CORO7: variants seen among roughly 807,000 people sequenced by gnomAD.
CORO7 encodes coronin 7, also known as coronin-7.
A neutral mutation model predicts 126.6 loss-of-function variants in CORO7; 107 were observed. The observed-to-expected ratio is 0.85, with a 90% CI of 0.72 to 0.99. The LOEUF (loss-of-function observed/expected upper bound fraction) is 0.99. Among genes scored for constraint, CORO7 ranks in the 50% least tolerant of loss-of-function variants. The pLI is 0.00. For synonymous variants in CORO7, 603 were observed against 536.8 expected, an observed-to-expected ratio of 1.12 and a Z score of -1.70; for missense variants, 1,314 against 1,255.8, an observed-to-expected ratio of 1.05 and a Z score of -0.70.
At chr16:4,390,538 T>A (rs1477169049) in intron 7 of CORO7, among the ~76,000 whole-genome samples, 1 of 151,448 alleles carries the variant, frequency 6.6e-6, no homozygotes, top group South Asian at 2.1e-4. Context: ...CTGCAAAGAG[T>A]TGGAAACTGG....
chr16:4,367,313 C>T (rs1596284553), intron 9 of CORO7, among the ~76,000 whole-genome samples: 2 of 152,234 alleles, frequency 1.3e-5, no homozygotes, highest in Non-Finnish European at 2.9e-5. Flanking sequence ...GTGCCCTCCA[C>T]ACTGACACTG....
At chr16:4,413,534 TA>T in intron 1 of CORO7, 130 bp from the exon 2 acceptor site, 1 of 812,262 alleles carries the variant, frequency 1.2e-6, no homozygotes, top group South Asian at 2.0e-5. Context: ...TGCATTCTTT[TA>T]TTTACTTTTT....
Position 4,361,429 on chromosome 16 carries a change from G to T in CORO7, c.1619C>A (p.Thr540Lys), listed in dbSNP as rs200682379. Reference sequence around the variant, plus strand: ...AGTCACAGCTGCCCCATTCTGCAGCGTGGGCAGTGCCGTGTCGGGCAGGCG... The same window carrying T: ...AGTCACAGCTGCCCCATTCTGCAGCTTGGGCAGTGCCGTGTCGGGCAGGCG... ...PGRLPDTALP[T>K]LQNGAAVTDL... The change falls in exon 17 of 28, where the codon ACG (threonine) becomes AAG (lysine). Residue 540 changes from threonine to lysine, a missense_variant. Thr to Lys is a moderately conservative substitution (Grantham distance 78, BLOSUM62 -1). Transcript: ENST00000251166. 3 of 1,612,068 alleles carry T rather than the reference G, an allele frequency of 1.9e-6. No individual in the cohort carries two copies. The highest frequency in any genetic ancestry group is 2.5e-6 in the Non-Finnish European group (3 of 1,179,762).
chr16:4,404,505 C>T (rs540047441), intron 6 of CORO7, among the ~76,000 whole-genome samples: 1 of 152,316 alleles, frequency 6.6e-6, no homozygotes, highest in East Asian at 1.9e-4. Context: ...TCACCTGCAG[C>T]CGGATTCTGC....
chr16:4,365,122 G>A, intron 10 of CORO7, 62 bp from the exon 11 acceptor site: 1 of 1,550,986 alleles, frequency 6.4e-7, no homozygotes. Flanking sequence ...GCCCAGGACT[G>A]GCATCAGCTC....
In CORO7 at chr16:4,394,427, C is replaced by T. The variant is rs557882797; in HGVS notation, c.615+862G>A. ...TCACAACGCTACACTCCAGCCTGGG[C>T]GACAGAGCGAGACTCCGTCTCAAAA... is the stretch of plus-strand genomic sequence containing the variant. On this transcript the variant is annotated intron_variant, in intron 7 of 27. Coordinates refer to ENST00000251166, the MANE Select transcript of CORO7 (RefSeq NM_024535.5). Among the ~76,000 whole-genome samples, 25 of 147,230 alleles carry T rather than the reference C, an allele frequency of 1.7e-4. 1 individual carries two copies. In the South Asian group the frequency reaches 2.8e-3, roughly 16 times the overall value.
chr16:4,386,420 A>G (rs1475635596), intron 9 of CORO7, among the ~76,000 whole-genome samples: 1 of 152,174 alleles, frequency 6.6e-6, no homozygotes, highest in Admixed American at 6.5e-5. Flanking sequence ...GACTGGTGCC[A>G]GGTCCCTTCA....
At chr16:4,356,407 A>G (rs1277322303) in intron 26 of CORO7, 1 of 151,906 alleles carries the variant, frequency 6.6e-6, no homozygotes, top group East Asian at 1.9e-4. Context: ...AAGAGCCACT[A>G]TATTTTATTT....
intron 5 of CORO7, among the ~76,000 whole-genome samples, chr16:4,406,016 A>T (rs1376969228): frequency 6.6e-6 from 1 of 152,134 alleles, no homozygotes; most frequent in Non-Finnish European, 1.5e-5. Context: ...AACCCCCACT[A>T]CTTTTCGGAG....
chr16:4,360,255 G>T, intron 21 of CORO7, 23 bp downstream of exon 21: 1 of 1,613,262 alleles, frequency 6.2e-7, no homozygotes, highest in Non-Finnish European at 8.5e-7. Context: ...GAAGCCTGGG[G>T]ATGGGGATGC....
At chr16:4,382,934 T>G in intron 9 of CORO7, 1 of 1,460,338 alleles carries the variant, frequency 6.8e-7, no homozygotes, top group Non-Finnish European at 9.0e-7. Context: ...GGCCGGGCTC[T>G]CAGCCAGTGA....
chr16:4,400,905 A>T (rs2141298791), intron 6 of CORO7, among the ~76,000 whole-genome samples: 1 of 152,110 alleles, frequency 6.6e-6, no homozygotes, highest in African/African-American at 2.4e-5. Context: ...ACACTGGGGG[A>T]GGAGGTAAGG....
intron 7 of CORO7, 116 bp downstream of exon 7, chr16:4,395,173 C>T: frequency 6.8e-7 from 1 of 1,463,832 alleles, no homozygotes; most frequent in Non-Finnish European, 9.4e-7. Context: ...ACCCCTGGTG[C>T]TGCAGAACAT....
At chr16:4,397,953 G>A (rs892213535) in intron 6 of CORO7, among the ~76,000 whole-genome samples, 1 of 151,556 alleles carries the variant, frequency 6.6e-6, no homozygotes, top group Admixed American at 6.6e-5. Flanking sequence ...GTCTCGCTCT[G>A]TTGCCCAGGC....
intron 9 of CORO7, among the ~76,000 whole-genome samples, chr16:4,387,306 C>T (rs888634730): frequency 6.6e-6 from 1 of 152,108 alleles, no homozygotes; most frequent in Non-Finnish European, 1.5e-5. Flanking sequence ...CATCTCGGCA[C>T]ACAGCTGACT....
At chr16:4,391,174 A>G (rs1396211412) in intron 7 of CORO7, among the ~76,000 whole-genome samples, 1 of 152,184 alleles carries the variant, frequency 6.6e-6, no homozygotes. Flanking sequence ...CGTAATCCCA[A>G]CACTTTGGGA....
chr16:4,381,054 C>T, intron 9 of CORO7: 3 of 1,610,800 alleles, frequency 1.9e-6, no homozygotes, highest in Non-Finnish European at 2.5e-6. Context: ...GGCTGTACGT[C>T]TTTGAGAACG....
intron 2 of CORO7, chr16:4,412,660 CCTCT>C: frequency 1.8e-6 from 1 of 543,440 alleles, no homozygotes. Flanking sequence ...GGCGAGAGGT[CCTCT>C]CTTTTTAACA....
Position 4,364,646 on chromosome 16 carries a change from C to G in CORO7, c.1088G>C (p.Cys363Ser). ...HEDLFPDTAG[C>S]VPATDPHSWW... ...GCTATGGGGGTCGGTGGCAGGCACA[C>G]AGCCGGCAGTGTCCGGGAACAGGTC... Residue 363 changes from cysteine (C) to serine (S), a missense_variant, in exon 13 of 28, where the codon TGT becomes TCT. Coordinates refer to ENST00000251166, the MANE Select transcript of CORO7 (RefSeq NM_024535.5). 6.3e-7 allele frequency: 1 copy of G among 1,578,718 alleles called. No individual in the cohort carries two copies.
Sources: allele counts gnomAD v4.1 joint callset (sites outside exome capture counted in the v4.1 genomes callset), GRCh38; gene constraint gnomAD v4.1.1; transcripts MANE v1.5; gene names NCBI Gene and HGNC (gene_info 2026-07-23, HGNC 2026-07-21).